The following HNRNPA3 variants were observed in gnomAD, a reference collection of about 807,000 sequenced individuals.
The protein encoded by HNRNPA3 is heterogeneous nuclear ribonucleoprotein A3.
Under a neutral mutation model 45.8 loss-of-function variants are expected in HNRNPA3, and 3 were observed. The ratio of observed to expected loss-of-function variants is 0.07; its 90% CI spans 0.03 to 0.17. The LOEUF (loss-of-function observed/expected upper bound fraction) is 0.17, where lower values mean the gene tolerates loss of function less well. HNRNPA3 is among the 10% of genes least tolerant of loss of function. The pLI is 1.00. For synonymous variants in HNRNPA3, 170 were observed against 155.6 expected (o/e 1.09, Z -0.69); for missense variants, 183 against 480.3 (o/e 0.38, Z 5.79).
chr2:177,213,052 CT>C (rs1327755018), intron 1 of HNRNPA3, among the ~76,000 whole-genome samples, 181 bp downstream of exon 1: 1 of 152,128 alleles, frequency 6.6e-6, no homozygotes, highest in African/African-American at 2.4e-5. Flanking sequence ...CCCGCCTCGC[CT>C]TCACCTTCGG....
chr2:177,213,429 C>T (rs1248305527), intron 1 of HNRNPA3, among the ~76,000 whole-genome samples: 6 of 152,252 alleles, frequency 3.9e-5, no homozygotes, highest in African/African-American at 1.4e-4. Context: ...GTAGTGCTTT[C>T]GCTGAAGTTC....
chr2:177,212,915 TG>T (rs927462350), intron 1 of HNRNPA3, 44 bp downstream of exon 1: 4 of 1,212,696 alleles, frequency 3.3e-6, no homozygotes, highest in Non-Finnish European at 4.4e-6. Flanking sequence ...TGGCCGGCGT[TG>T]GGGGCCTGGT....
At chr2:177,222,558 A>G (rs1689228371), downstream of HNRNPA3, 1 of 152,400 alleles carries the variant, frequency 6.6e-6, no homozygotes, top group Non-Finnish European at 1.5e-5. Context: ...CTGTAATCCC[A>G]GCACTTTGGG....
rs28625258 is a variant in HNRNPA3 at position 177,217,286 on chromosome 2, T to C, written c.820+346T>C. ...ACTAGTGCAGATACTTGATACTCTA[T>C]TATTATTAGGTATTACCAGGCTTCA... On this transcript the variant is annotated intron_variant, in intron 7 of 10. Transcript: ENST00000392524. Among the ~76,000 whole-genome samples the C allele has an allele frequency of 4.0e-3, 603 of 151,970 alleles. 3 individuals are homozygous for C. Among genetic ancestry groups the C allele is most frequent in the African/African-American group, 0.014 (573 of 41,222 alleles).
intron 7 of HNRNPA3, 81 bp from the exon 8 acceptor site, chr2:177,217,624 C>T: frequency 6.4e-7 from 1 of 1,553,384 alleles, no homozygotes; most frequent in Non-Finnish European, 8.9e-7. Flanking sequence ...AAGACCCAGT[C>T]TCTTACACAC....
exon 7 of HNRNPA3, chr2:177,216,868 G>T (rs150913586): frequency 1.9e-6 from 3 of 1,609,726 alleles, no homozygotes; most frequent in Non-Finnish European, 2.5e-6. Context: ...AGGAGGCTAT[G>T]GTGGTGGAGG....
At chr2:177,223,058 G>GT (rs1689256111), downstream of HNRNPA3, 1 of 152,320 alleles carries the variant, frequency 6.6e-6, no homozygotes, top group Non-Finnish European at 1.5e-5. Flanking sequence ...TAGTCGGATA[G>GT]TTTACTTAAA....
chr2:177,216,801 T>C, intron 6 of HNRNPA3, 30 bp downstream of exon 6: 2 of 1,613,680 alleles, frequency 1.2e-6, no homozygotes, highest in South Asian at 2.2e-5. Flanking sequence ...AGTACATGGA[T>C]ACCTGACATT....
intron 1 of HNRNPA3, among the ~76,000 whole-genome samples, chr2:177,213,669 C>G (rs1262383782): frequency 6.6e-6 from 1 of 152,206 alleles, no homozygotes; most frequent in African/African-American, 2.4e-5. Context: ...GAAAAACAAC[C>G]CAGCCAGCTC....
In HNRNPA3 at chr2:177,216,601, G is replaced by A. The variant is rs1688948561; in HGVS notation, c.643+9G>A. 6.2e-7 allele frequency: 1 copy of A among 1,613,002 alleles called. No individual in the cohort carries two copies. The highest frequency in any genetic ancestry group is 8.5e-7 in the Non-Finnish European group (1 of 1,179,084). On this transcript the variant is annotated intron_variant, in intron 5 of 10. Transcript: ENST00000392524. The stretch of plus-strand genomic sequence containing the variant: ...TGCTGGATCACAGAGAGGTGAGTAG[G>A]ACCATACACATGTATACAGTGGATA...
chr2:177,218,699 A>G (rs1689065618), intron 8 of HNRNPA3, among the ~76,000 whole-genome samples: 1 of 152,256 alleles, frequency 6.6e-6, no homozygotes, highest in South Asian at 2.1e-4. Flanking sequence ...ATTGGACCTA[A>G]TTAACATGTC....
intron 8 of HNRNPA3, 77 bp from the exon 9 acceptor site, chr2:177,218,960 G>A (rs1689077031): frequency 1.9e-6 from 3 of 1,551,916 alleles, no homozygotes; most frequent in East Asian, 2.2e-5. Context: ...ATTCTCAAAA[G>A]ATAATAGTTA....
At chr2:177,223,288 G>A (rs1482236275), downstream of HNRNPA3, 1 of 151,030 alleles carries the variant, frequency 6.6e-6, no homozygotes. Flanking sequence ...TTTTTTTAAG[G>A]GCATTGTTCT....
chr2:177,216,575 C>G (rs1490428213), exon 5 of HNRNPA3: 1 of 1,613,680 alleles, frequency 6.2e-7, no homozygotes, highest in Non-Finnish European at 8.5e-7. Context: ...GAGATGCAGT[C>G]TGCTGGATCA....
At chr2:177,214,439 G>T (rs1688837841) in intron 1 of HNRNPA3, among the ~76,000 whole-genome samples, 1 of 152,142 alleles carries the variant, frequency 6.6e-6, no homozygotes, top group Non-Finnish European at 1.5e-5. Context: ...TTGCTTGAAA[G>T]CAGTGAGTTT....
chr2:177,217,619 C>G, intron 7 of HNRNPA3, 86 bp from the exon 8 acceptor site: 2 of 1,530,136 alleles, frequency 1.3e-6, no homozygotes, highest in African/African-American at 1.4e-5. Context: ...AGAGCAAGAC[C>G]CAGTCTCTTA....
rs368179102 is a variant in HNRNPA3, at chr2:177,217,561, C to G, written c.821-144C>G. ...GGAGAATGGCTTGAGCCCAGGAGTT[C>G]AAGGCTGCATTGCTGTGGTTGCACC... On this transcript the variant is annotated intron_variant, in intron 7 of 10. Transcript: ENST00000392524. 5.0e-4 allele frequency: 469 copies of G among 933,302 alleles called. 4 individuals are homozygous for G. In the African/African-American group the frequency reaches 6.1e-3, roughly 12 times the overall value. 57.8% of individuals were successfully genotyped at this position (933,302 alleles called of 1,614,324 possible). A position where few individuals can be genotyped will look rare whatever the true frequency, so the allele number is the denominator to read the frequency against.
chr2:177,220,259 C>T (rs973427568), downstream of HNRNPA3: 1 of 152,554 alleles, frequency 6.6e-6, no homozygotes, highest in African/African-American at 2.4e-5. Flanking sequence ...TGAACTGCTG[C>T]CATAGGTTTT....
chr2:177,213,123 G>A (rs1468966687), intron 1 of HNRNPA3, among the ~76,000 whole-genome samples: 8 of 151,528 alleles, frequency 5.3e-5, no homozygotes, highest in African/African-American at 9.7e-5. Context: ...AGGGAAGCCG[G>A]CCTGCCGGCT....
Sources: allele counts gnomAD v4.1 joint callset (sites outside exome capture counted in the v4.1 genomes callset), GRCh38; gene constraint gnomAD v4.1.1; transcripts MANE v1.5; gene names NCBI Gene and HGNC (gene_info 2026-07-23, HGNC 2026-07-21).